The following TENM4 variants were observed in gnomAD, a reference collection of about 807,000 sequenced individuals.
TENM4 encodes the protein teneurin transmembrane protein 4.
A neutral mutation model predicts 243.3 loss-of-function variants in TENM4; 82 were observed. The observed-to-expected ratio is 0.34, with a 90% CI of 0.28 to 0.40. The LOEUF is 0.40. TENM4 is among the 10% of genes least tolerant of loss of function. TENM4 has a pLI of 1.00. For synonymous variants in TENM4, 1,412 were observed against 1,456.3 expected, an observed-to-expected ratio of 0.97 and a Z score of 0.69; for missense variants, 3,138 against 3,673.3, an observed-to-expected ratio of 0.85 and a Z score of 3.77.
At chr11:79,332,341 A>G (rs1289732141) in intron 1 of TENM4, among the ~76,000 whole-genome samples, 58 of 152,176 alleles carry the variant, frequency 3.8e-4, no homozygotes, top group Non-Finnish European at 1.6e-4. Flanking sequence ...AAGGCCACAA[A>G]CCAAATGGCT....
At chr11:79,077,267 G>A (rs1860555884) in intron 4 of TENM4, among the ~76,000 whole-genome samples, 2 of 152,170 alleles carry the variant, frequency 1.3e-5, no homozygotes, top group South Asian at 4.2e-4. Flanking sequence ...CAGAGGGAGA[G>A]GCAGGGAAGG....
intron 1 of TENM4, among the ~76,000 whole-genome samples, chr11:79,410,928 A>G (rs980367537): frequency 2.0e-5 from 3 of 152,042 alleles, no homozygotes; most frequent in Admixed American, 1.3e-4. Context: ...GTCCTTGTTA[A>G]TCATCCCTGT....
intron 12 of TENM4, among the ~76,000 whole-genome samples, chr11:78,818,055 T>C (rs1435562348): frequency 4.6e-5 from 7 of 152,144 alleles, no homozygotes; most frequent in Non-Finnish European, 8.8e-5. Context: ...AGTTTACTCA[T>C]TTATGTATTT....
At chr11:79,328,267 A>G (rs147256111) in intron 1 of TENM4, among the ~76,000 whole-genome samples, 155 of 152,342 alleles carry the variant, frequency 1.0e-3, no homozygotes, top group African/African-American at 3.7e-3. Flanking sequence ...CAGAAAGATC[A>G]AGTGACTTAC....
At chr11:79,082,170 C>T (rs1860692503) in intron 4 of TENM4, among the ~76,000 whole-genome samples, 1 of 152,158 alleles carries the variant, frequency 6.6e-6, no homozygotes, top group South Asian at 2.1e-4. Context: ...CTCCATGGTC[C>T]TTCTAGGTGC....
At position 78,903,497 on chromosome 11, in the gene TENM4, C is replaced by T. The variant is rs1250727716; in HGVS notation, c.520G>A (p.Ala174Thr). 1.0e-5 allele frequency: 16 copies of T among 1,547,576 alleles called. No individual in the cohort carries two copies. The highest frequency in any genetic ancestry group is 2.7e-5 in the African/African-American group (2 of 73,082). The change falls in exon 7 of 34, where the codon GCG becomes ACG. Residue 174 changes from alanine to threonine, a missense_variant. This residue lies in a region of TENM4 where 671 missense variants were observed against 614.1 expected (regional missense o/e 1.09). Coordinates refer to ENST00000278550, the MANE Select transcript of TENM4 (RefSeq NM_001098816.3). ...TDHPGGLQNH[A>T]RLRTPPPPLS... ...GGCGGCGGCGGCGTCCGGAGCCGCG[C>T]GTGGTTCTGCAGGCCGCCCGGATGA... is the stretch of plus-strand genomic sequence containing the variant.
chr11:79,160,221 T>G (rs2135082429), intron 3 of TENM4, among the ~76,000 whole-genome samples: 1 of 152,316 alleles, frequency 6.6e-6, no homozygotes, highest in East Asian at 1.9e-4. Flanking sequence ...TCCTGCTTGT[T>G]GATCTGTGCA....
At chr11:78,666,769 A>G (rs1201042695) in intron 32 of TENM4, among the ~76,000 whole-genome samples, 2 of 152,208 alleles carry the variant, frequency 1.3e-5, no homozygotes, top group Non-Finnish European at 2.9e-5. Flanking sequence ...TCATCTGCAG[A>G]AAGGAGATAA....
Position 78,991,836 on chromosome 11 carries a change from C to T in TENM4, c.493+72902G>A, listed in dbSNP as rs944249637. 3.9e-5 allele frequency among the ~76,000 whole-genome samples: 6 copies of T among 152,144 alleles called. No homozygotes were observed. The South Asian group carries it at 8.3e-4, about 21-fold the overall frequency. On this transcript the variant is annotated intron_variant, in intron 6 of 33. Coordinates refer to ENST00000278550, the MANE Select transcript of TENM4 (RefSeq NM_001098816.3). ...CTAGGATTAAAAAAGAAATGTGGGC[C>T]CAGACCCAGGCAAAACACTGGCTTC...
intron 6 of TENM4, among the ~76,000 whole-genome samples, chr11:79,005,270 C>A (rs955788597): frequency 1.7e-4 from 26 of 152,264 alleles, no homozygotes; most frequent in African/African-American, 5.3e-4. Flanking sequence ...ATGAGGCCAG[C>A]ATTATCCTGA....
chr11:79,256,738 G>T (rs539089505), intron 2 of TENM4, among the ~76,000 whole-genome samples: 6 of 152,286 alleles, frequency 3.9e-5, no homozygotes, highest in Admixed American at 3.3e-4. Flanking sequence ...CTCATTTGTG[G>T]CTCCTGGACT....
chr11:78,813,123 C>T (rs1857533555), intron 13 of TENM4, among the ~76,000 whole-genome samples: 1 of 152,190 alleles, frequency 6.6e-6, no homozygotes, highest in African/African-American at 2.4e-5. Flanking sequence ...AAGCACTCAG[C>T]AGGTAATCAC....
Position 78,814,365 on chromosome 11 carries a change from T to C in TENM4, c.1712A>G (p.Tyr571Cys). 2 of 1,549,644 alleles carry C rather than the reference T, an allele frequency of 1.3e-6. No individual in the cohort carries two copies. Among genetic ancestry groups the C allele is most frequent in the African/African-American group, 1.4e-5 (1 of 72,918 alleles). Reference sequence around the variant, plus strand: ...CCCAGAGATGCAGTCACCATTGCCATAGCAGTTGCTGGGGCAGTTATCCAC... The same window carrying C: ...CCCAGAGATGCAGTCACCATTGCCACAGCAGTTGCTGGGGCAGTTATCCAC... ...ESVDNCPSNCYGNGDCISGTC... is the reference protein window; with the variant it reads ...ESVDNCPSNCCGNGDCISGTC... Residue 571 changes from tyrosine to cysteine, a missense_variant, in exon 13 of 34, where the codon TAT becomes TGT. Tyr to Cys is a radical substitution (Grantham distance 194). Coordinates refer to ENST00000278550, the MANE Select transcript of TENM4 (RefSeq NM_001098816.3).
chr11:79,261,796 C>G (rs528748464), intron 2 of TENM4, among the ~76,000 whole-genome samples: 31 of 152,282 alleles, frequency 2.0e-4, no homozygotes, highest in African/African-American at 6.5e-4. Flanking sequence ...TGCAGCCTCT[C>G]AAATTTCTTT....
At chr11:78,732,679 G>A (rs1254997066) in intron 20 of TENM4, 102 bp from the exon 21 acceptor site, 18 of 1,343,510 alleles carry the variant, frequency 1.3e-5, no homozygotes, top group Non-Finnish European at 1.7e-5. Context: ...TACACCAAAG[G>A]GTCTCAGCAT....
chr11:79,231,422 G>A (rs925759326), intron 2 of TENM4, among the ~76,000 whole-genome samples: 2 of 151,818 alleles, frequency 1.3e-5, no homozygotes, highest in South Asian at 4.2e-4. Context: ...AGATGATGGG[G>A]AAAGGTCAGT....
chr11:79,134,638 T>G (rs907446723), intron 4 of TENM4, among the ~76,000 whole-genome samples: 1 of 152,096 alleles, frequency 6.6e-6, no homozygotes, highest in Non-Finnish European at 1.5e-5. Flanking sequence ...GGAACTGGTA[T>G]AAAAATAGGC....
chr11:79,075,037 A>G (rs1860505226), intron 4 of TENM4, among the ~76,000 whole-genome samples: 1 of 152,198 alleles, frequency 6.6e-6, no homozygotes, highest in Admixed American at 6.5e-5. Context: ...GATCCTGACC[A>G]ATGATACAGC....
chr11:79,124,553 T>A (rs1861822268), intron 4 of TENM4, among the ~76,000 whole-genome samples: 1 of 151,732 alleles, frequency 6.6e-6, no homozygotes, highest in Non-Finnish European at 1.5e-5. Flanking sequence ...TGGGATCTTG[T>A]GACAGTGTGA....
Sources: gnomAD v4.1 joint callset for allele counts (sites outside exome capture counted in the v4.1 genomes callset) on GRCh38, gnomAD v4.1.1 for gene constraint, gnomAD v4.1.1 regional missense constraint, MANE v1.5 for transcripts, NCBI Gene and HGNC (gene_info 2026-07-23, HGNC 2026-07-21) for gene names.